PLCG2: variants seen among roughly 807,000 people sequenced by gnomAD.
PLCG2 encodes the protein phospholipase C gamma 2, also known as 1-phosphatidylinositol 4,5-bisphosphate phosphodiesterase gamma-2.
PLCG2 carries 69 observed loss-of-function variants against 175.6 expected under a neutral mutation model. The ratio of observed to expected loss-of-function variants is 0.39; its 90% CI spans 0.32 to 0.48. The LOEUF (loss-of-function observed/expected upper bound fraction) is 0.48. Ranked by LOEUF, PLCG2 falls within the 20% of genes least tolerant of loss-of-function variation. The pLI, the probability that PLCG2 is intolerant of heterozygous loss-of-function variation, is 0.91. For missense variants in PLCG2, 1,798 were observed against 1,650.9 expected, an observed-to-expected ratio of 1.09 and a Z score of -1.54; for synonymous variants, 827 against 624.0, an observed-to-expected ratio of 1.33 and a Z score of -4.85.
intron 23 of PLCG2, among the ~76,000 whole-genome samples, chr16:81,927,496 C>T (rs1241656812): frequency 3.3e-5 from 5 of 152,144 alleles, no homozygotes; most frequent in Admixed American, 6.5e-5. Flanking sequence ...GCAGATGAAA[C>T]ACATTTATAT....
At chr16:81,838,411 A>G (rs971447574) in intron 2 of PLCG2, among the ~76,000 whole-genome samples, 2 of 152,198 alleles carry the variant, frequency 1.3e-5, no homozygotes, top group Non-Finnish European at 2.9e-5. Flanking sequence ...TGTCTTTATT[A>G]AAATATAACT....
chr16:81,749,999 A>G (rs972089893), intron 1 of PLCG2, among the ~76,000 whole-genome samples: 5 of 152,288 alleles, frequency 3.3e-5, no homozygotes, highest in Admixed American at 3.3e-4. Context: ...GAGATCTGCA[A>G]TATACCGTTA....
chr16:81,773,768 T>C (rs1238682565), intron 2 of PLCG2, among the ~76,000 whole-genome samples: 36 of 152,072 alleles, frequency 2.4e-4, no homozygotes, highest in Admixed American at 2.2e-3. Flanking sequence ...GCAGCCCTAT[T>C]TACCAAAGAA....
intron 30 of PLCG2, among the ~76,000 whole-genome samples, chr16:81,941,310 A>T (rs576762299): frequency 6.6e-6 from 1 of 152,286 alleles, no homozygotes; most frequent in South Asian, 2.1e-4. Context: ...AGGTTGCACC[A>T]CTGCACTCCA....
chr16:81,875,132 T>C (rs1456227834), intron 7 of PLCG2, among the ~76,000 whole-genome samples: 5 of 151,794 alleles, frequency 3.3e-5, no homozygotes, highest in Admixed American at 2.6e-4. Context: ...CCTGGCTAAT[T>C]TTTGTATTTT....
intron 10 of PLCG2, among the ~76,000 whole-genome samples, chr16:81,890,935 G>C (rs1315387735): frequency 6.6e-6 from 1 of 152,206 alleles, no homozygotes; most frequent in Non-Finnish European, 1.5e-5. Context: ...GGCTGAGGCG[G>C]GTGGATCGCT....
chr16:81,830,105 A>G (rs926513590), intron 2 of PLCG2, among the ~76,000 whole-genome samples: 2 of 151,938 alleles, frequency 1.3e-5, no homozygotes, highest in Non-Finnish European at 2.9e-5. Context: ...GGATCACTTG[A>G]GCCCAGGGAT....
At chr16:81,864,245 C>G (rs1450688528) in intron 5 of PLCG2, among the ~76,000 whole-genome samples, 3 of 152,170 alleles carry the variant, frequency 2.0e-5, no homozygotes, top group African/African-American at 7.2e-5. Flanking sequence ...GATGTAGATG[C>G]TGCTGGTCTG....
chr16:81,888,069 A>G (rs1290909002), intron 9 of PLCG2, among the ~76,000 whole-genome samples: 4 of 152,220 alleles, frequency 2.6e-5, no homozygotes, highest in African/African-American at 9.6e-5. Context: ...TGAGCTTAGG[A>G]TCATGAGGTA....
At chr16:81,835,933 T>C (rs768104395) in intron 2 of PLCG2, among the ~76,000 whole-genome samples, 5 of 152,150 alleles carry the variant, frequency 3.3e-5, no homozygotes, top group Non-Finnish European at 4.4e-5. Flanking sequence ...ACAAGGACAG[T>C]AGTCTTGGGT....
chr16:81,803,598 C>T (rs1006797486), intron 2 of PLCG2, among the ~76,000 whole-genome samples: 23 of 60,142 alleles, frequency 3.8e-4, no homozygotes, highest in Admixed American at 1.6e-3. Flanking sequence ...TTTCTTTTCT[C>T]CTTTTCTTTT....
chr16:81,803,633 T>C (rs1026782763), intron 2 of PLCG2, among the ~76,000 whole-genome samples: 2 of 88,600 alleles, frequency 2.3e-5, no homozygotes, highest in East Asian at 7.4e-4. Flanking sequence ...TCTTTTCTTC[T>C]TCCCTCCCTC....
rs746067536 is a variant in PLCG2 at position 81,912,936 on chromosome 16, C to T, written c.2054+220C>T. On this transcript the variant is annotated intron_variant, in intron 19 of 32. Coordinates refer to ENST00000564138, the MANE Select transcript of PLCG2 (RefSeq NM_002661.5). ...TCCAGGGCAGGATGTTCTGTAGTAA[C>T]TCACTTTGGCTTCCAGTAACTCTGT... 3.3e-5 allele frequency among the ~76,000 whole-genome samples: 5 copies of T among 152,262 alleles called. No individual in the cohort carries two copies. In the East Asian group the frequency reaches 9.6e-4, roughly 29 times the overall value.
rs766422892 is a variant in PLCG2 at position 81,869,225 on chromosome 16, G to A, written c.491G>A (p.Arg164Gln). 1.5e-5 allele frequency: 25 copies of A among 1,613,598 alleles called. No individual in the cohort carries two copies. Among genetic ancestry groups the A allele is most frequent in the Admixed American group, 1.7e-5 (1 of 60,014 alleles). Residue 164 changes from arginine (R) to glutamine (Q), a missense_variant, in exon 6 of 33, where the codon CGA (arginine) becomes CAA (glutamine). Arg to Gln is a conservative substitution (Grantham distance 43, BLOSUM62 1). Coordinates refer to ENST00000564138, the MANE Select transcript of PLCG2 (RefSeq NM_002661.5). ...DQTRRNSISL[R>Q]ELKTILPLIN... ...TCCCTCTTTTGCAGCATCAGTCTCCGAGAGTTGAAGACCATCTTGCCCCTG... is the reference window on the plus strand; with the variant it reads ...TCCCTCTTTTGCAGCATCAGTCTCCAAGAGTTGAAGACCATCTTGCCCCTG...
chr16:81,955,005 T>C (rs1458209617), intron 31 of PLCG2, among the ~76,000 whole-genome samples: 1 of 152,200 alleles, frequency 6.6e-6, no homozygotes, highest in African/African-American at 2.4e-5. Flanking sequence ...GCATCTATTG[T>C]TTCCTGACTT....
chr16:81,774,251 A>G (rs1345998872), intron 2 of PLCG2, among the ~76,000 whole-genome samples: 3 of 150,550 alleles, frequency 2.0e-5, no homozygotes, highest in African/African-American at 7.3e-5. Flanking sequence ...TCAGGAGGCT[A>G]AGGCACAAGA....
intron 14 of PLCG2, 44 bp from the exon 15 acceptor site, chr16:81,905,359 T>G: frequency 7.1e-7 from 1 of 1,406,588 alleles, no homozygotes; most frequent in African/African-American, 1.4e-5. Flanking sequence ...AGGCCTAAAC[T>G]TGGGTCTCCA....
chr16:81,914,201 C>T (rs1167690749), intron 19 of PLCG2, among the ~76,000 whole-genome samples: 1 of 152,196 alleles, frequency 6.6e-6, no homozygotes, highest in Non-Finnish European at 1.5e-5. Flanking sequence ...GCAACTAAAC[C>T]CAACTGGCTG....
chr16:81,897,548 C>CTTTTCT (rs1908950031), intron 13 of PLCG2, among the ~76,000 whole-genome samples: 3 of 128,678 alleles, frequency 2.3e-5, no homozygotes, highest in Admixed American at 1.7e-4. Context: ...CTTTTCTTTT[C>CTTTTCT]TTTTTTTTTT....
Sources: gnomAD v4.1 joint callset for allele counts (sites outside exome capture counted in the v4.1 genomes callset) on GRCh38, gnomAD v4.1.1 for gene constraint, MANE v1.5 for transcripts, NCBI Gene and HGNC (gene_info 2026-07-23, HGNC 2026-07-21) for gene names.